SLC30A9: variants seen among roughly 807,000 people sequenced by gnomAD.
SLC30A9 encodes the protein solute carrier family 30 member 9.
In SLC30A9, 58 loss-of-function variants were observed where a neutral mutation model predicts 87.5. The ratio of observed to expected loss-of-function variants is 0.66; its 90% CI spans 0.54 to 0.82. The LOEUF is 0.82. Ranked by LOEUF, SLC30A9 falls within the 40% of genes least tolerant of loss-of-function variation. The probability of loss-of-function intolerance (pLI) is 0.00; values close to 1 mark genes in which losing one functional copy is unlikely to be tolerated. For synonymous variants in SLC30A9, 234 were observed against 233.0 expected, an observed-to-expected ratio of 1.00 and a Z score of -0.04; for missense variants, 557 against 679.1, an observed-to-expected ratio of 0.82 and a Z score of 2.00.
At chr4:42,044,477 A>G (rs1717060621) in intron 8 of SLC30A9, among the ~76,000 whole-genome samples, 1 of 152,124 alleles carries the variant, frequency 6.6e-6, no homozygotes. Flanking sequence ...AAAGGTCATT[A>G]CATAGTGGTA....
intron 7 of SLC30A9, 78 bp downstream of exon 7, chr4:42,035,411 G>A: frequency 1.3e-6 from 2 of 1,498,848 alleles, no homozygotes; most frequent in Non-Finnish European, 1.8e-6. Flanking sequence ...TAAAATTCTA[G>A]CATGTCTGTG....
At chr4:42,060,322 C>G in intron 10 of SLC30A9, 76 bp downstream of exon 10, 1 of 1,154,178 alleles carries the variant, frequency 8.7e-7, no homozygotes, top group African/African-American at 1.5e-5. Context: ...CAGAAATCTC[C>G]TGCAATTTAT....
intron 10 of SLC30A9, among the ~76,000 whole-genome samples, chr4:42,060,761 C>T (rs1044997411): frequency 5.9e-5 from 9 of 151,892 alleles, no homozygotes; most frequent in African/African-American, 2.2e-4. Context: ...AGATTTTTTT[C>T]TATTGCTTCT....
intron 1 of SLC30A9, among the ~76,000 whole-genome samples, chr4:41,998,355 A>G (rs1388646845): frequency 6.6e-6 from 1 of 152,180 alleles, no homozygotes; most frequent in Non-Finnish European, 1.5e-5. Flanking sequence ...CAGAGTAAAG[A>G]CTTCGATATG....
chr4:41,995,785 C>G (rs1714673047), intron 1 of SLC30A9, among the ~76,000 whole-genome samples: 1 of 152,254 alleles, frequency 6.6e-6, no homozygotes, highest in South Asian at 2.1e-4. Context: ...TCACAGCTCA[C>G]CGCAGCCTTG....
In SLC30A9 at chr4:42,086,144, A is replaced by G; in HGVS notation, c.*18A>G. 1 of 1,478,710 alleles carries G rather than the reference A, an allele frequency of 6.8e-7. No homozygotes were observed. Among genetic ancestry groups the G allele is most frequent in the African/African-American group, 1.3e-5 (1 of 74,402 alleles). 91.6% of individuals were successfully genotyped at this position (1,478,710 alleles called of 1,614,324 possible). On this transcript the variant is annotated 3_prime_UTR_variant, in exon 18 of 18. Transcript: ENST00000264451. ...TACTGTGAGTTTGATGGAATGAATCACCTGGGTGGGGACCTTGGAAACAAG... is the reference window on the plus strand; with the variant it reads ...TACTGTGAGTTTGATGGAATGAATCGCCTGGGTGGGGACCTTGGAAACAAG...
chr4:42,035,137 C>T (rs1716624890), intron 6 of SLC30A9, 138 bp from the exon 7 acceptor site: 2 of 797,456 alleles, frequency 2.5e-6, no homozygotes, highest in Non-Finnish European at 1.9e-6. Flanking sequence ...TTTACAAATC[C>T]AAATTTTTTA....
intron 7 of SLC30A9, among the ~76,000 whole-genome samples, chr4:42,037,596 G>C (rs562308310): frequency 3.9e-5 from 6 of 151,968 alleles, no homozygotes; most frequent in South Asian, 2.1e-4. Flanking sequence ...AGTTCTCTCT[G>C]AAATCTATCC....
In SLC30A9 at chr4:42,035,334, G is replaced by C. The variant is rs1357536756; in HGVS notation, c.669+1G>C. On this transcript the variant is annotated splice_donor_variant, in intron 7 of 17. Transcript: ENST00000264451. LOFTEE classifies it high-confidence loss of function. ...CAGAGATTTCTTGGGAAATACCAAG[G>C]TATGGATATCTTTGTAATAATGTGT... The C allele has an allele frequency of 6.2e-7, 1 of 1,602,510 alleles. No homozygotes were observed. The highest frequency in any genetic ancestry group is 2.2e-5 in the East Asian group (1 of 44,554).
At chr4:42,052,968 T>G (rs907246697) in intron 9 of SLC30A9, among the ~76,000 whole-genome samples, 3 of 152,166 alleles carry the variant, frequency 2.0e-5, no homozygotes, top group Non-Finnish European at 4.4e-5. Context: ...TCACAAAGCA[T>G]TCTGACAAGG....
At chr4:41,992,610 A>G (rs1193544682) in intron 1 of SLC30A9, among the ~76,000 whole-genome samples, 3 of 151,288 alleles carry the variant, frequency 2.0e-5, no homozygotes, top group Non-Finnish European at 4.4e-5. Flanking sequence ...TCTGTGAAAC[A>G]CAGATAATTA....
intron 15 of SLC30A9, among the ~76,000 whole-genome samples, chr4:42,072,596 G>C (rs994375159): frequency 6.6e-6 from 1 of 151,806 alleles, no homozygotes; most frequent in African/African-American, 2.4e-5. Flanking sequence ...TTGTTCTATT[G>C]TGGTCAAAGA....
At chr4:42,001,478 G>T (rs1358593100) in intron 1 of SLC30A9, 138 bp from the exon 2 acceptor site, 2 of 487,356 alleles carry the variant, frequency 4.1e-6, no homozygotes, top group Non-Finnish European at 7.4e-6. Flanking sequence ...TTAGAATGTT[G>T]TCACTAATTT....
chr4:41,998,582 G>A (rs1310656726), intron 1 of SLC30A9, among the ~76,000 whole-genome samples: 7 of 151,892 alleles, frequency 4.6e-5, no homozygotes, highest in Non-Finnish European at 1.0e-4. Flanking sequence ...TCCTGCCTCA[G>A]CCTCCCGCAT....
At chr4:41,999,288 G>A (rs968793814) in intron 1 of SLC30A9, among the ~76,000 whole-genome samples, 3 of 152,130 alleles carry the variant, frequency 2.0e-5, no homozygotes, top group African/African-American at 7.2e-5. Context: ...CTACTTTTCT[G>A]AATAACCAAT....
intron 1 of SLC30A9, among the ~76,000 whole-genome samples, chr4:41,995,441 TA>T (rs1292961737): frequency 6.6e-6 from 1 of 152,110 alleles, no homozygotes; most frequent in African/African-American, 2.4e-5. Flanking sequence ...GCTGATAGTG[TA>T]GTGCTGAACG....
chr4:42,081,151 A>G (rs1485165517), intron 17 of SLC30A9, among the ~76,000 whole-genome samples: 1 of 152,236 alleles, frequency 6.6e-6, no homozygotes, highest in Non-Finnish European at 1.5e-5. Flanking sequence ...TAGATTAAAA[A>G]GCAGTTTATT....
intron 14 of SLC30A9, among the ~76,000 whole-genome samples, chr4:42,067,422 T>A (rs569840016): frequency 1.3e-4 from 20 of 152,332 alleles, no homozygotes; most frequent in Middle Eastern, 3.4e-3. Context: ...TGTAAAGGAT[T>A]TCTGTAATGC....
intron 14 of SLC30A9, among the ~76,000 whole-genome samples, chr4:42,069,491 A>G (rs1289630926): frequency 3.3e-5 from 5 of 152,178 alleles, no homozygotes; most frequent in Admixed American, 3.3e-4. Flanking sequence ...TAATTACAAA[A>G]CTTCTAATGG....
Sources: gnomAD v4.1 joint callset for allele counts (sites outside exome capture counted in the v4.1 genomes callset) on GRCh38, gnomAD v4.1.1 for gene constraint, MANE v1.5 for transcripts, NCBI Gene and HGNC (gene_info 2026-07-23, HGNC 2026-07-21) for gene names.